PCDHA11: variants seen among roughly 807,000 people sequenced by gnomAD.
The protein encoded by PCDHA11 is protocadherin alpha 11.
In PCDHA11, 61 loss-of-function variants were observed where a neutral mutation model predicts 70.3. The ratio of observed to expected loss-of-function variants is 0.87; its 90% CI spans 0.71 to 1.07. The LOEUF is 1.07. Ranked by LOEUF, PCDHA11 falls within the 50% of genes least tolerant of loss-of-function variation. The pLI, the probability that PCDHA11 is intolerant of heterozygous loss-of-function variation, is 0.00. For missense variants in PCDHA11, 1,324 were observed against 1,237.5 expected, an observed-to-expected ratio of 1.07 and a Z score of -1.05; for synonymous variants, 633 against 555.1, an observed-to-expected ratio of 1.14 and a Z score of -1.97.
intron 1 of PCDHA11, among the ~76,000 whole-genome samples, chr5:140,954,014 A>G (rs782347890): frequency 1.3e-5 from 2 of 152,038 alleles, no homozygotes; most frequent in African/African-American, 4.8e-5. Context: ...CAGCTCCCAC[A>G]CATAGTGGGA....
chr5:140,902,650 G>C (rs868917041), intron 1 of PCDHA11, among the ~76,000 whole-genome samples: 5 of 152,138 alleles, frequency 3.3e-5, no homozygotes, highest in Admixed American at 1.3e-4. Context: ...AGATTTTGGT[G>C]CACCTGTCAC....
Position 140,968,677 on chromosome 5 carries a change from G to A in PCDHA11, c.2392-10272G>A, listed in dbSNP as rs781795184. The A allele has an allele frequency of 5.0e-6, 8 of 1,614,156 alleles. No individual in the cohort carries two copies. In the South Asian group the frequency reaches 8.8e-5, roughly 18 times the overall value. ...ACCTGGACCTCTTTAAGGTAGAGCTGCACACAGGAGAAATTAGGACTACCA... is the reference window on the plus strand; with the variant it reads ...ACCTGGACCTCTTTAAGGTAGAGCTACACACAGGAGAAATTAGGACTACCA... On this transcript the variant is annotated intron_variant, in intron 1 of 3. Coordinates refer to ENST00000398640, the MANE Select transcript of PCDHA11 (RefSeq NM_018902.5).
intron 1 of PCDHA11, among the ~76,000 whole-genome samples, chr5:140,905,814 G>T (rs1303983123): frequency 6.6e-6 from 1 of 152,090 alleles, no homozygotes; most frequent in Non-Finnish European, 1.5e-5. Flanking sequence ...GAATTAATAG[G>T]CTAGATGTGT....
intron 1 of PCDHA11, among the ~76,000 whole-genome samples, chr5:140,881,010 T>A (rs782629592): frequency 1.3e-5 from 2 of 152,198 alleles, no homozygotes; most frequent in Admixed American, 1.3e-4. Context: ...AGCAGAGCTA[T>A]GGAAATAAAC....
chr5:140,966,057 G>A (rs2153745793), intron 1 of PCDHA11, among the ~76,000 whole-genome samples: 1 of 152,318 alleles, frequency 6.6e-6, no homozygotes, highest in East Asian at 1.9e-4. Flanking sequence ...TAACCCCAGA[G>A]CGCCTCCCCC....
chr5:140,881,336 G>C (rs2058671987), intron 1 of PCDHA11: 1 of 984,948 alleles, frequency 1.0e-6, no homozygotes. Context: ...CCAGGACGCC[G>C]ATTCGGGCTA....
At chr5:140,895,092 G>A (rs2064837860) in intron 1 of PCDHA11, among the ~76,000 whole-genome samples, 1 of 152,090 alleles carries the variant, frequency 6.6e-6, no homozygotes, top group Admixed American at 6.5e-5. Flanking sequence ...CCTCAGTATA[G>A]GGGTTTTTGC....
chr5:140,892,311 T>C (rs1042617869), intron 1 of PCDHA11, among the ~76,000 whole-genome samples: 1 of 152,222 alleles, frequency 6.6e-6, no homozygotes, highest in Non-Finnish European at 1.5e-5. Flanking sequence ...TTGGGGCTTA[T>C]AACATTTTCT....
intron 1 of PCDHA11, among the ~76,000 whole-genome samples, chr5:140,917,639 C>T (rs151007423): frequency 1.6e-4 from 25 of 152,268 alleles, no homozygotes; most frequent in African/African-American, 5.8e-4. Flanking sequence ...AGCTAGTTAT[C>T]CCAGCAATAT....
At chr5:140,904,176 C>T (rs782427504) in intron 1 of PCDHA11, among the ~76,000 whole-genome samples, 31 of 152,098 alleles carry the variant, frequency 2.0e-4, no homozygotes, top group African/African-American at 6.7e-4. Context: ...TTTTATTCCT[C>T]ACCCCCTTCC....
intron 1 of PCDHA11, among the ~76,000 whole-genome samples, chr5:140,975,067 T>C (rs2096652705): frequency 6.6e-6 from 1 of 152,146 alleles, no homozygotes; most frequent in African/African-American, 2.4e-5. Flanking sequence ...TCGAGCTCAT[T>C]CAGATTGTTG....
rs991131905 is a variant in PCDHA11, at chr5:140,870,593, G to A, written c.1490G>A (p.Arg497Gln). ...ALVSYSLVERRLGDRALSSYV... is the reference protein window; with the variant it reads ...ALVSYSLVERQLGDRALSSYV... ...GTGTCCTACTCGCTGGTGGAGCGGCGGTTGGGCGACCGCGCGCTGTCGAGC... is the reference window on the plus strand; with the variant it reads ...GTGTCCTACTCGCTGGTGGAGCGGCAGTTGGGCGACCGCGCGCTGTCGAGC... The change falls in exon 1 of 4, where the codon CGG (arginine) becomes CAG (glutamine). Residue 497 changes from arginine (R) to glutamine (Q), a missense_variant. Coordinates refer to ENST00000398640, the MANE Select transcript of PCDHA11 (RefSeq NM_018902.5). 6.2e-7 allele frequency: 1 copy of A among 1,613,572 alleles called. No homozygotes were observed. The highest frequency in any genetic ancestry group is 8.5e-7 in the Non-Finnish European group (1 of 1,179,904).
At chr5:140,906,926 T>C (rs1217312413) in intron 1 of PCDHA11, among the ~76,000 whole-genome samples, 1 of 152,194 alleles carries the variant, frequency 6.6e-6, no homozygotes, top group Non-Finnish European at 1.5e-5. Flanking sequence ...CCAAAAAGTG[T>C]CCCGGTGTCA....
intron 1 of PCDHA11, among the ~76,000 whole-genome samples, chr5:140,887,198 G>T (rs1276345927): frequency 6.6e-6 from 1 of 151,492 alleles, no homozygotes; most frequent in Admixed American, 6.6e-5. Flanking sequence ...CCGGGTTCAC[G>T]CCATTCTCCT....
intron 3 of PCDHA11, among the ~76,000 whole-genome samples, chr5:140,988,079 G>A (rs1431334458): frequency 6.6e-6 from 1 of 152,188 alleles, no homozygotes; most frequent in Non-Finnish European, 1.5e-5. Flanking sequence ...TATTTCATGA[G>A]TGAGTGCAGC....
chr5:140,874,622 A>G (rs554375384), intron 1 of PCDHA11, among the ~76,000 whole-genome samples: 5 of 152,374 alleles, frequency 3.3e-5, no homozygotes, highest in Non-Finnish European at 7.3e-5. Flanking sequence ...TAAACATTTT[A>G]CATTAAAGTG....
chr5:140,875,335 C>A, intron 1 of PCDHA11: 2 of 1,438,768 alleles, frequency 1.4e-6, no homozygotes, highest in East Asian at 2.5e-5. Context: ...GGAATAGGAT[C>A]GACTCCATAA....
Position 140,869,457 on chromosome 5 carries a change from T to C in PCDHA11, c.354T>C (p.His118=). The C allele has an allele frequency of 6.2e-7, 1 of 1,614,184 alleles. No homozygotes were observed. Residue 118 remains histidine (H), a synonymous_variant, in exon 1 of 4, where the codon CAT becomes CAC. Coordinates refer to ENST00000398640, the MANE Select transcript of PCDHA11 (RefSeq NM_018902.5). ...TGGACAGGCCGCTGCAGGTTTTCCATGTGAACGTGGAGGTGAAGGACATTA... is the reference window on the plus strand; with the variant it reads ...TGGACAGGCCGCTGCAGGTTTTCCACGTGAACGTGGAGGTGAAGGACATTA... The part of the protein sequence containing the change: ...VIVDRPLQVF[H]VNVEVKDIND...
At chr5:140,882,018 A>C in intron 1 of PCDHA11, 2 of 559,360 alleles carry the variant, frequency 3.6e-6, no homozygotes, top group East Asian at 3.1e-5. Context: ...AAAATACTAC[A>C]TCAATGGAAA....
Sources: gnomAD v4.1 joint callset for allele counts (sites outside exome capture counted in the v4.1 genomes callset) on GRCh38, gnomAD v4.1.1 for gene constraint, MANE v1.5 for transcripts, NCBI Gene and HGNC (gene_info 2026-07-23, HGNC 2026-07-21) for gene names.